The following PHKB variants were observed in gnomAD, a reference collection of about 807,000 sequenced individuals.
PHKB encodes the protein phosphorylase kinase regulatory subunit beta, also known as phosphorylase b kinase regulatory subunit beta.
A neutral mutation model predicts 152.1 loss-of-function variants in PHKB; 122 were observed. The ratio of observed to expected loss-of-function variants is 0.80; its 90% CI spans 0.69 to 0.93. The LOEUF (loss-of-function observed/expected upper bound fraction) is 0.93, where lower values mean the gene tolerates loss of function less well. Ranked by LOEUF, PHKB falls within the 40% of genes least tolerant of loss-of-function variation. The pLI is 0.00. For synonymous variants in PHKB, 436 were observed against 464.9 expected, an observed-to-expected ratio of 0.94 and a Z score of 0.80; for missense variants, 1,304 against 1,328.4, an observed-to-expected ratio of 0.98 and a Z score of 0.29.
chr16:47,542,247 T>C (rs1971073650), intron 6 of PHKB, among the ~76,000 whole-genome samples: 1 of 152,238 alleles, frequency 6.6e-6, no homozygotes, highest in Non-Finnish European at 1.5e-5. Context: ...CTAGTACCAT[T>C]AAATAGGGAA....
At chr16:47,498,440 G>A (rs573596572) in intron 2 of PHKB, among the ~76,000 whole-genome samples, 1 of 152,294 alleles carries the variant, frequency 6.6e-6, no homozygotes, top group East Asian at 1.9e-4. Context: ...CACTTTGGGA[G>A]GCTGAGGCGG....
intron 6 of PHKB, among the ~76,000 whole-genome samples, chr16:47,537,769 C>G (rs1970976887): frequency 6.6e-6 from 1 of 151,724 alleles, no homozygotes; most frequent in Admixed American, 6.6e-5. Flanking sequence ...ATGGGAAATT[C>G]AAGTGGAAAT....
In PHKB at chr16:47,596,353, C is replaced by T; in HGVS notation, c.1205-20C>T. Reference sequence around the variant, plus strand: ...ATACAGATTTGTTATATTTTAAATACTTATTTTTAAACTCCATAGGATATC... The same window carrying T: ...ATACAGATTTGTTATATTTTAAATATTTATTTTTAAACTCCATAGGATATC... On this transcript the variant is annotated intron_variant, in intron 12 of 30. Coordinates refer to ENST00000323584, the MANE Select transcript of PHKB (RefSeq NM_000293.3). 6.5e-7 allele frequency: 1 copy of T among 1,527,788 alleles called. No homozygotes were observed. Among genetic ancestry groups the T allele is most frequent in the Non-Finnish European group, 9.1e-7 (1 of 1,102,432 alleles). 94.6% of individuals were successfully genotyped at this position (1,527,788 alleles called of 1,614,324 possible).
Position 47,701,354 on chromosome 16 carries a change from A to G in PHKB, c.*1988A>G, listed in dbSNP as rs1974244297. ...ACATTACTTGCAAATGTGTTTTCTG[A>G]GTGTTAGCTTCCTGCTTAAATGTTA... is the stretch of plus-strand genomic sequence containing the variant. On this transcript the variant is annotated 3_prime_UTR_variant, in exon 31 of 31. Coordinates refer to ENST00000323584, the MANE Select transcript of PHKB (RefSeq NM_000293.3). 6.6e-6 allele frequency: 1 copy of G among 152,220 alleles called. No individual in the cohort carries two copies. Among genetic ancestry groups the G allele is most frequent in the Admixed American group, 6.5e-5 (1 of 15,280 alleles). 9.4% of individuals were successfully genotyped at this position (152,220 alleles called of 1,614,324 possible).
At chr16:47,537,871 ATTCTC>A (rs1483399678) in intron 6 of PHKB, among the ~76,000 whole-genome samples, 2 of 141,982 alleles carry the variant, frequency 1.4e-5, no homozygotes, top group Admixed American at 1.4e-4. Flanking sequence ...TACGTGGAAA[ATTCTC>A]TCTCTCTCTC....
intron 6 of PHKB, among the ~76,000 whole-genome samples, chr16:47,538,490 A>C (rs1319537474): frequency 6.6e-6 from 1 of 152,014 alleles, no homozygotes; most frequent in African/African-American, 2.4e-5. Context: ...AATAACTCAC[A>C]CTCTCTTCTA....
chr16:47,659,888 G>A (rs534248013), intron 20 of PHKB, among the ~76,000 whole-genome samples: 8 of 151,804 alleles, frequency 5.3e-5, no homozygotes, highest in African/African-American at 9.7e-5. Context: ...TTTTTGAGAC[G>A]GAGTCTCACT....
intron 20 of PHKB, among the ~76,000 whole-genome samples, chr16:47,652,757 C>A (rs1330018261): frequency 3.3e-5 from 5 of 152,152 alleles, no homozygotes; most frequent in Admixed American, 6.6e-5. Context: ...ATCCTCCCAC[C>A]TCAGCCTCCC....
chr16:47,556,630 T>G (rs1321951259), intron 7 of PHKB, among the ~76,000 whole-genome samples: 1 of 152,204 alleles, frequency 6.6e-6, no homozygotes, highest in Non-Finnish European at 1.5e-5. Context: ...CACTTGATCA[T>G]GGTGGATAAG....
Position 47,648,540 on chromosome 16 carries a change from T to C in PHKB, c.1616T>C (p.Leu539Ser), listed in dbSNP as rs765796760. ...CAAACTTGTGTCTTACAGGCTTATT[T>C]GCAGCTGGGTATCAATGAAAAGTTA... Reference protein sequence around the residue: ...WPQQELVKAYLQLGINEKLGL... With the variant: ...WPQQELVKAYSQLGINEKLGL... Residue 539 changes from leucine to serine, a missense_variant, in exon 17 of 31, where the codon TTG (leucine) becomes TCG (serine). Transcript: ENST00000323584. 5.0e-6 allele frequency: 8 copies of C among 1,611,208 alleles called. No individual in the cohort carries two copies. The highest frequency in any genetic ancestry group is 6.8e-6 in the Non-Finnish European group (8 of 1,177,540).
intron 10 of PHKB, 102 bp downstream of exon 10, chr16:47,589,204 G>T (rs1362894876): frequency 7.4e-6 from 6 of 810,084 alleles, no homozygotes; most frequent in Non-Finnish European, 1.2e-5. Context: ...CTACTTACTA[G>T]CTATGTGGCC....
At chr16:47,508,891 A>G (rs748022195) in intron 4 of PHKB, among the ~76,000 whole-genome samples, 1 of 152,180 alleles carries the variant, frequency 6.6e-6, no homozygotes, top group Non-Finnish European at 1.5e-5. Context: ...ATTTTAAATT[A>G]CTTGTCTTTT....
chr16:47,639,109 AC>A (rs1333822956), intron 14 of PHKB, among the ~76,000 whole-genome samples: 1 of 152,052 alleles, frequency 6.6e-6, no homozygotes, highest in Non-Finnish European at 1.5e-5. Context: ...ACCTGTCTTT[AC>A]AAAAAATATA....
chr16:47,610,719 G>C, intron 13 of PHKB, 107 bp from the exon 14 acceptor site: 1 of 734,776 alleles, frequency 1.4e-6, no homozygotes, highest in South Asian at 1.5e-5. Flanking sequence ...TGTACACTGA[G>C]AAAAATGTAT....
chr16:47,675,223 C>T lies in PHKB; in HGVS notation c.2630+5806C>T, dbSNP rs187165805. ...TAGTGTGAGTGACGCAGAGTTCATGCTCCCCAACCCCTCTTCCACCCCTGT... is the reference window on the plus strand; with the variant it reads ...TAGTGTGAGTGACGCAGAGTTCATGTTCCCCAACCCCTCTTCCACCCCTGT... On this transcript the variant is annotated intron_variant, in intron 26 of 30. Coordinates refer to ENST00000323584, the MANE Select transcript of PHKB (RefSeq NM_000293.3). Among the ~76,000 whole-genome samples the T allele has an allele frequency of 6.3e-4, 96 of 152,300 alleles. 1 individual carries two copies. The East Asian group carries it at 0.011, about 18-fold the overall frequency.
chr16:47,687,071 T>C (rs1973977615), intron 26 of PHKB, among the ~76,000 whole-genome samples: 1 of 152,178 alleles, frequency 6.6e-6, no homozygotes, highest in Non-Finnish European at 1.5e-5. Context: ...TCCTTTTCAT[T>C]CCATTGACTT....
rs1467680567 is a variant in PHKB, at chr16:47,649,591, G to T, written c.1797+387G>T. 2.0e-5 allele frequency among the ~76,000 whole-genome samples: 3 copies of T among 152,098 alleles called. No individual in the cohort carries two copies. The East Asian group carries it at 5.8e-4, about 29-fold the overall frequency. ...AACCTCAACTAACTCATAACTCCAT[G>T]AGTTAAAATCTTCACTCCCTTTTCT... On this transcript the variant is annotated intron_variant, in intron 18 of 30. Coordinates refer to ENST00000323584, the MANE Select transcript of PHKB (RefSeq NM_000293.3).
intron 24 of PHKB, chr16:47,663,982 A>G (rs1973491691): frequency 1.8e-6 from 1 of 547,774 alleles, no homozygotes; most frequent in South Asian, 2.2e-5. Flanking sequence ...TGGTATGCTA[A>G]GGTTTCTTTC....
intron 26 of PHKB, among the ~76,000 whole-genome samples, chr16:47,677,722 G>A (rs907933895): frequency 1.3e-5 from 2 of 151,860 alleles, no homozygotes; most frequent in East Asian, 3.9e-4. Flanking sequence ...GGGGGAGAAA[G>A]AATTCAGTCC....
Sources: allele counts gnomAD v4.1 joint callset (sites outside exome capture counted in the v4.1 genomes callset), GRCh38; gene constraint gnomAD v4.1.1; transcripts MANE v1.5; gene names NCBI Gene and HGNC (gene_info 2026-07-23, HGNC 2026-07-21).